The following CNTNAP4 variants were observed in gnomAD, a reference collection of about 807,000 sequenced individuals.
CNTNAP4 encodes the protein contactin associated protein family member 4.
Under a neutral mutation model 148.4 loss-of-function variants are expected in CNTNAP4, and 98 were observed. The observed-to-expected ratio is 0.66, with a 90% CI of 0.56 to 0.78. The LOEUF is 0.78. CNTNAP4 is among the 30% of genes least tolerant of loss of function. The pLI is 0.00. For missense variants in CNTNAP4, 1,935 were observed against 1,565.6 expected (o/e 1.24, Z -3.98); for synonymous variants, 730 against 565.1 (o/e 1.29, Z -4.14).
chr16:76,403,601 G>C (rs952208294), intron 3 of CNTNAP4, among the ~76,000 whole-genome samples: 3 of 152,168 alleles, frequency 2.0e-5, no homozygotes, highest in African/African-American at 7.2e-5. Flanking sequence ...GTTGGTAGGA[G>C]TCTAAATTAA....
At chr16:76,379,222 G>T (rs1293833513) in intron 3 of CNTNAP4, among the ~76,000 whole-genome samples, 1 of 152,136 alleles carries the variant, frequency 6.6e-6, no homozygotes, top group Non-Finnish European at 1.5e-5. Flanking sequence ...TGGGAGGAAA[G>T]AATGCGAGAG....
At chr16:76,383,395 G>GAA (rs34346486) in intron 3 of CNTNAP4, among the ~76,000 whole-genome samples, 71 of 58,272 alleles carry the variant, frequency 1.2e-3, no homozygotes, top group Non-Finnish European at 2.1e-3. Flanking sequence ...TACAGGAACA[G>GAA]AAAAAAAAAA....
chr16:76,306,932 C>T (rs980581608), intron 1 of CNTNAP4, among the ~76,000 whole-genome samples: 5 of 152,212 alleles, frequency 3.3e-5, no homozygotes, highest in South Asian at 4.2e-4. Flanking sequence ...TATCAGACCT[C>T]GGGAAGTACC....
chr16:76,401,095 A>C (rs1371078591), intron 3 of CNTNAP4, among the ~76,000 whole-genome samples: 6 of 152,120 alleles, frequency 3.9e-5, no homozygotes, highest in African/African-American at 1.4e-4. Context: ...GTAGTTTGAT[A>C]ACAATAGTAT....
chr16:76,443,214 T>C (rs1194716806), intron 4 of CNTNAP4, among the ~76,000 whole-genome samples: 4 of 152,176 alleles, frequency 2.6e-5, no homozygotes, highest in African/African-American at 9.7e-5. Context: ...AAAATAATTC[T>C]TATTCTTCCT....
chr16:76,530,208 T>C (rs188152090), intron 17 of CNTNAP4, among the ~76,000 whole-genome samples: 1 of 152,254 alleles, frequency 6.6e-6, no homozygotes, highest in African/African-American at 2.4e-5. Context: ...TATTCCAGAT[T>C]TTTATTTTTT....
chr16:76,302,860 T>C (rs1960120935), intron 1 of CNTNAP4, among the ~76,000 whole-genome samples: 1 of 152,150 alleles, frequency 6.6e-6, no homozygotes, highest in Admixed American at 6.6e-5. Flanking sequence ...AAGGGAGGGC[T>C]CTATGCCACG....
intron 2 of CNTNAP4, among the ~76,000 whole-genome samples, chr16:76,353,533 G>C (rs988807633): frequency 1.3e-5 from 2 of 152,054 alleles, no homozygotes; most frequent in African/African-American, 4.8e-5. Flanking sequence ...CACCCTTTGC[G>C]GTTGTTAAGC....
chr16:76,334,176 T>TAAA (rs1963810142), intron 2 of CNTNAP4, among the ~76,000 whole-genome samples: 13 of 149,436 alleles, frequency 8.7e-5, no homozygotes. Context: ...AAACTTAAAG[T>TAAA]ATAATAATAA....
chr16:76,306,767 AG>A (rs1440028077), intron 1 of CNTNAP4, among the ~76,000 whole-genome samples: 1 of 152,154 alleles, frequency 6.6e-6, no homozygotes, highest in Non-Finnish European at 1.5e-5. Context: ...TGGTATTGGG[AG>A]GTATAAGAAG....
intron 3 of CNTNAP4, among the ~76,000 whole-genome samples, chr16:76,391,948 C>A (rs750534719): frequency 6.6e-6 from 1 of 152,220 alleles, no homozygotes; most frequent in East Asian, 1.9e-4. Flanking sequence ...ATAAATAATA[C>A]GATGTATCAA....
intron 1 of CNTNAP4, among the ~76,000 whole-genome samples, chr16:76,307,181 T>C (rs574653299): frequency 2.0e-5 from 3 of 152,186 alleles, no homozygotes; most frequent in South Asian, 4.1e-4. Flanking sequence ...ACAATGTATA[T>C]AATATCGTAA....
rs1420694868 is a variant in CNTNAP4 at position 76,522,142 on chromosome 16, G to T, written c.2640G>T (p.Arg880Ser). 1.2e-6 allele frequency: 2 copies of T among 1,613,996 alleles called. No homozygotes were observed. The highest frequency in any genetic ancestry group is 1.7e-5 in the Admixed American group (1 of 60,006). The change falls in exon 17 of 24, where the codon AGG becomes AGT. Residue 880 changes from arginine (R) to serine (S), a missense_variant. By Grantham distance (110) the Arg-to-Ser change is moderately radical. Coordinates refer to ENST00000611870, the MANE Select transcript of CNTNAP4 (RefSeq NM_033401.5). ...ACGACAACCAGTGGCACCATGTGAG[G>T]GTTGAAAGGAACATGAAGGAGGCCT... ...HFNDNQWHHV[R>S]VERNMKEASL...
At chr16:76,482,788 T>C (rs1597691028) in intron 12 of CNTNAP4, among the ~76,000 whole-genome samples, 1 of 152,132 alleles carries the variant, frequency 6.6e-6, no homozygotes, top group East Asian at 1.9e-4. Flanking sequence ...CTGCAGGTGC[T>C]TCTCATCCAG....
At chr16:76,448,707 C>G in intron 5 of CNTNAP4, 60 bp from the exon 6 acceptor site, 11 of 1,270,462 alleles carry the variant, frequency 8.7e-6, no homozygotes, top group Non-Finnish European at 7.5e-6. Flanking sequence ...CAGAAGGGAA[C>G]CTTTTTTTTT....
chr16:76,484,085 T>C (rs2081936412), intron 12 of CNTNAP4, among the ~76,000 whole-genome samples: 1 of 136,514 alleles, frequency 7.3e-6, no homozygotes, highest in African/African-American at 2.7e-5. Context: ...TACATTATTA[T>C]AGAAGATATA....
At chr16:76,536,917 T>A (rs2084238059) in intron 18 of CNTNAP4, among the ~76,000 whole-genome samples, 1 of 152,180 alleles carries the variant, frequency 6.6e-6, no homozygotes. Context: ...TGAAGGAGGC[T>A]AACAAAACTT....
chr16:76,446,675 G>A (rs9930895), intron 4 of CNTNAP4, among the ~76,000 whole-genome samples: 93,999 of 151,996 alleles, frequency 0.62, 29,302 homozygotes, highest in South Asian at 0.71. Context: ...TTCCAACAAT[G>A]TCCTTGAGAA....
chr16:76,494,973 C>T lies in CNTNAP4; in HGVS notation c.2144C>T (p.Ser715Phe), dbSNP rs757287371. ...TNETQTYWGG[S>F]SPDLQKCTCG... ...GAAACGCAAACCTACTGGGGAGGTT[C>T]TTCGCCTGATCTTCAAAAATGTACT... Residue 715 changes from serine (S) to phenylalanine (F), a missense_variant, in exon 14 of 24, where the codon TCT becomes TTT. By Grantham distance (155) the Ser-to-Phe change is radical. Transcript: ENST00000611870. 1.3e-5 allele frequency: 21 copies of T among 1,613,608 alleles called. No homozygotes were observed. The African/African-American group carries it at 2.7e-4, about 20-fold the overall frequency.
Sources: gnomAD v4.1 joint callset for allele counts (sites outside exome capture counted in the v4.1 genomes callset) on GRCh38, gnomAD v4.1.1 for gene constraint, MANE v1.5 for transcripts, NCBI Gene and HGNC (gene_info 2026-07-23, HGNC 2026-07-21) for gene names.